Variants in ISLR2 observed in about 807,000 individuals in gnomAD.
The protein encoded by ISLR2 is immunoglobulin superfamily containing leucine rich repeat 2.
In ISLR2, 16 loss-of-function variants were observed where a neutral mutation model predicts 25.5. The observed-to-expected ratio is 0.63, with a 90% CI of 0.43 to 0.95. The LOEUF (loss-of-function observed/expected upper bound fraction) is 0.95. Among genes scored for constraint, ISLR2 ranks in the 40% least tolerant of loss-of-function variants. ISLR2 has a pLI of 0.00. For missense variants in ISLR2, 883 were observed against 1,030.7 expected (o/e 0.86, Z 1.96); for synonymous variants, 508 against 486.6 (o/e 1.04, Z -0.58).
intron 2 of ISLR2, among the ~76,000 whole-genome samples, chr15:74,117,949 TC>T (rs1340743610): frequency 6.6e-6 from 1 of 152,140 alleles, no homozygotes; most frequent in African/African-American, 2.4e-5. Context: ...CTCTTATCGA[TC>T]CCGGCCTACC....
In ISLR2 at chr15:74,134,518, A is replaced by T. The variant is rs2072521266; in HGVS notation, c.1764A>T (p.Pro588=). The T allele has an allele frequency of 6.2e-7, 1 of 1,613,830 alleles. No homozygotes were observed. Among genetic ancestry groups the T allele is most frequent in the Non-Finnish European group, 8.5e-7 (1 of 1,179,996 alleles). The change falls in exon 3 of 3, where the codon CCA becomes CCT. Residue 588 remains proline (P), a synonymous_variant. Transcript: ENST00000453268. ...QVVFSTKKEL[P]SLLVIVAVSV... is the part of the protein sequence containing the mutation. ...TGTTTTCCACCAAGAAGGAGCTCCC[A>T]TCGCTGCTGGTCATAGTGGCAGTGA...
At chr15:74,112,496 C>T (rs954758536) in intron 2 of ISLR2, among the ~76,000 whole-genome samples, 1 of 150,480 alleles carries the variant, frequency 6.6e-6, no homozygotes, top group African/African-American at 2.4e-5. Flanking sequence ...CTCTTGCCTG[C>T]TAATTCCAAT....
Position 74,133,840 on chromosome 15 carries a change from C to A in ISLR2, c.1086C>A (p.Gly362=), listed in dbSNP as rs2072491631. The part of the protein sequence containing the change: ...VYTCRAHNEL[G]ANSTSIRVAV... Reference sequence around the variant, plus strand: ...CTTGCCGTGCACACAATGAGCTGGGCGCCAACTCTACGTCAATACGCGTGG... The same window carrying A: ...CTTGCCGTGCACACAATGAGCTGGGAGCCAACTCTACGTCAATACGCGTGG... The change falls in exon 3 of 3, where the codon GGC becomes GGA. Residue 362 remains glycine, a synonymous_variant. Coordinates refer to ENST00000453268, the MANE Select transcript of ISLR2 (RefSeq NM_020851.3). The A allele has an allele frequency of 1.2e-6, 2 of 1,613,686 alleles. No homozygotes were observed. The highest frequency in any genetic ancestry group is 1.7e-6 in the Non-Finnish European group (2 of 1,179,886).
At chr15:74,119,150 G>A (rs912291946) in intron 2 of ISLR2, among the ~76,000 whole-genome samples, 1 of 151,962 alleles carries the variant, frequency 6.6e-6, no homozygotes, top group Non-Finnish European at 1.5e-5. Context: ...ATAATAAATT[G>A]TCATTAATTA....
At position 74,134,604 on chromosome 15, in the gene ISLR2, T is replaced by C. The variant is rs2072524531; in HGVS notation, c.1850T>C (p.Leu617Pro). Residue 617 changes from leucine (L) to proline (P), a missense_variant, in exon 3 of 3, where the codon CTG becomes CCG. By Grantham distance (98) the Leu-to-Pro change is moderately conservative. This residue lies in a region of ISLR2 where 612 missense variants were observed against 642.8 expected (regional missense o/e 0.95). Transcript: ENST00000453268. Reference sequence around the variant, plus strand: ...CTGGGCGCCGCCTGCTGCCATCTGCTGGCTAAACACCCGGGCAAGCCCTAC... The same window carrying C: ...CTGGGCGCCGCCTGCTGCCATCTGCCGGCTAAACACCCGGGCAAGCCCTAC... Reference protein sequence around the residue: ...PLLGAACCHLLAKHPGKPYRL... With the variant: ...PLLGAACCHLPAKHPGKPYRL... The C allele has an allele frequency of 6.2e-7, 1 of 1,614,088 alleles. No homozygotes were observed. Among genetic ancestry groups the C allele is most frequent in the Non-Finnish European group, 8.5e-7 (1 of 1,180,004 alleles).
chr15:74,129,102 G>C (rs542196921), upstream of ISLR2: 8 of 455,654 alleles, frequency 1.8e-5, no homozygotes, highest in African/African-American at 4.0e-5. The surrounding 1 kb of genome is among the most constrained non-coding windows in gnomAD (Gnocchi z 4.5). Context: ...GGGTCGGCGG[G>C]GGGGGACTCC....
chr15:74,113,939 C>T (rs1289276753), intron 2 of ISLR2, among the ~76,000 whole-genome samples: 2 of 152,194 alleles, frequency 1.3e-5, no homozygotes, highest in Non-Finnish European at 2.9e-5. Flanking sequence ...GGGATTTGGC[C>T]AAGGACCTGC....
rs1488849247 is a variant in ISLR2, at chr15:74,134,048, G to A, written c.1294G>A (p.Glu432Lys). Residue 432 changes from glutamate to lysine, a missense_variant, in exon 3 of 3, where the codon GAG becomes AAG. Coordinates refer to ENST00000453268, the MANE Select transcript of ISLR2 (RefSeq NM_020851.3). The stretch of plus-strand genomic sequence containing the variant: ...CAAGGTCAGCATTCTCGGGGAGACC[G>A]AGACGGAGCCGGAGGAGGACACAAG... ...LAKVSILGET[E>K]TEPEEDTSEG... 1 of 1,613,566 alleles carries A rather than the reference G, an allele frequency of 6.2e-7. No homozygotes were observed. The highest frequency in any genetic ancestry group is 8.5e-7 in the Non-Finnish European group (1 of 1,179,842).
intron 2 of ISLR2, among the ~76,000 whole-genome samples, chr15:74,122,891 G>A (rs566483165): frequency 2.8e-4 from 43 of 152,118 alleles, no homozygotes; most frequent in Non-Finnish European, 4.1e-4. Flanking sequence ...CCCTCCTGCG[G>A]TCTGCAGGAG....
chr15:74,102,069 A>G (rs991488708), intron 1 of ISLR2, among the ~76,000 whole-genome samples: 8 of 150,496 alleles, frequency 5.3e-5, no homozygotes, highest in African/African-American at 9.9e-5. Context: ...AATAAATACA[A>G]ATTAGCTGGG....
Position 74,132,699 on chromosome 15 carries a change from G to T in ISLR2, c.-8-48G>T, listed in dbSNP as rs1052907306. 14 of 1,571,052 alleles carry T rather than the reference G, an allele frequency of 8.9e-6. No individual in the cohort carries two copies. The South Asian group carries it at 1.7e-4, about 19-fold the overall frequency. On this transcript the variant is annotated intron_variant, in intron 2 of 2. Transcript: ENST00000453268. This position sits in a 1 kb window ranked among gnomAD's most constrained non-coding sequence, Gnocchi z 4.3. ...CAGCTTGATAGGGGAGGTAAGCTGG[G>T]GTTCAGTGAGTCACCTTCTTTCTTC...
intron 2 of ISLR2, among the ~76,000 whole-genome samples, chr15:74,104,611 C>T (rs998666718): frequency 3.9e-5 from 6 of 152,096 alleles, no homozygotes; most frequent in Non-Finnish European, 8.8e-5. Flanking sequence ...AGTGAGACCA[C>T]ATCTCTACTA....
intron 2 of ISLR2, among the ~76,000 whole-genome samples, chr15:74,109,337 T>G (rs3852630): frequency 1.6e-4 from 25 of 151,960 alleles, no homozygotes; most frequent in African/African-American, 3.2e-4. Flanking sequence ...GGCAAGTCTC[T>G]CCCTCCTCAG....
chr15:74,137,459 C>A (rs1468552912), downstream of ISLR2, among the ~76,000 whole-genome samples: 4 of 152,290 alleles, frequency 2.6e-5, no homozygotes, highest in African/African-American at 9.6e-5. Flanking sequence ...ATGATGCATG[C>A]ACAACCGTCA....
chr15:74,139,927 G>A (rs1286017927), downstream of ISLR2, among the ~76,000 whole-genome samples: 4 of 147,636 alleles, frequency 2.7e-5, no homozygotes, highest in African/African-American at 1.0e-4. Context: ...GAGAGACCTG[G>A]AAAATGGTCG....
At chr15:74,138,866 C>T (rs2072595541), downstream of ISLR2, among the ~76,000 whole-genome samples, 2 of 152,348 alleles carry the variant, frequency 1.3e-5, no homozygotes, top group Admixed American at 1.3e-4. Flanking sequence ...AGGACTGGCC[C>T]AATTCCTAGG....
Position 74,135,964 on chromosome 15 carries a change from T to G in ISLR2, c.*972T>G, listed in dbSNP as rs1356867876. On this transcript the variant is annotated 3_prime_UTR_variant, in exon 3 of 3. Coordinates refer to ENST00000453268, the MANE Select transcript of ISLR2 (RefSeq NM_020851.3). Reference sequence around the variant, plus strand: ...TCCAGCCCGGTGCCTGGGGCGCCTTTCAGCTCCGCGCTCAGATTTTCCTGT... The same window carrying G: ...TCCAGCCCGGTGCCTGGGGCGCCTTGCAGCTCCGCGCTCAGATTTTCCTGT... 6.0e-6 allele frequency: 1 copy of G among 167,058 alleles called. No homozygotes were observed. The highest frequency in any genetic ancestry group is 6.5e-5 in the Admixed American group (1 of 15,268). The allele number at this position is 167,058 out of a possible 1,614,324, so 10.3% of individuals were successfully genotyped here.
rs1360853250 is a variant in ISLR2 at position 74,132,625 on chromosome 15, G to A, written c.-8-122G>A. 4 of 1,334,776 alleles carry A rather than the reference G, an allele frequency of 3.0e-6. No individual in the cohort carries two copies. The highest frequency in any genetic ancestry group is 3.0e-5 in the African/African-American group (2 of 67,702). 82.7% of individuals were successfully genotyped at this position (1,334,776 alleles called of 1,614,324 possible). On this transcript the variant is annotated intron_variant, in intron 2 of 2. Transcript: ENST00000453268. This position sits in a 1 kb window ranked among gnomAD's most constrained non-coding sequence, Gnocchi z 4.3. ...CTTCAGAGAGGCTCCTGGCCATAGAGGAGGTTACCGGAGCCCTGGAACTAG... is the reference window on the plus strand; with the variant it reads ...CTTCAGAGAGGCTCCTGGCCATAGAAGAGGTTACCGGAGCCCTGGAACTAG...
At chr15:74,137,012 A>T (rs1446555931), downstream of ISLR2, among the ~76,000 whole-genome samples, 1 of 152,186 alleles carries the variant, frequency 6.6e-6, no homozygotes, top group African/African-American at 2.4e-5. Flanking sequence ...GGTGACAAAA[A>T]ACGAGGGCAG....
Sources: gnomAD v4.1 joint callset for allele counts (sites outside exome capture counted in the v4.1 genomes callset) on GRCh38, gnomAD v4.1.1 for gene constraint, gnomAD v4.1.1 regional missense constraint, Gnocchi (gnomAD v3.1) non-coding constraint, MANE v1.5 for transcripts, NCBI Gene and HGNC (gene_info 2026-07-23, HGNC 2026-07-21) for gene names.